Variants in MTR observed in about 807,000 individuals in gnomAD.
The protein encoded by MTR is 5-methyltetrahydrofolate-homocysteine methyltransferase, also known as methionine synthase.
A neutral mutation model predicts 154.8 loss-of-function variants in MTR; 84 were observed. The ratio of observed to expected loss-of-function variants is 0.54; its 90% CI spans 0.45 to 0.65. The LOEUF (loss-of-function observed/expected upper bound fraction) is 0.65, where lower values mean the gene tolerates loss of function less well. Among genes scored for constraint, MTR ranks in the 30% least tolerant of loss-of-function variants. The probability of loss-of-function intolerance (pLI) is 0.00; values close to 1 mark genes in which losing one functional copy is unlikely to be tolerated. For missense variants in MTR, 1,275 were observed against 1,570.2 expected (o/e 0.81, Z 3.18); for synonymous variants, 554 against 553.9 (o/e 1.00, Z 0.00).
chr1:236,806,902 G>A (rs539356114), intron 3 of MTR, among the ~76,000 whole-genome samples: 8 of 152,206 alleles, frequency 5.3e-5, no homozygotes, highest in Non-Finnish European at 2.9e-5. Flanking sequence ...CATCCATGTT[G>A]TAGTATGTAT....
At chr1:236,872,624 T>C (rs1475604189) in intron 22 of MTR, among the ~76,000 whole-genome samples, 4 of 152,220 alleles carry the variant, frequency 2.6e-5, no homozygotes, top group Non-Finnish European at 5.9e-5. Context: ...GCTTAATTTC[T>C]CTGGGCCCCT....
chr1:236,805,778 G>A (rs1224996471), intron 2 of MTR, among the ~76,000 whole-genome samples: 4 of 151,950 alleles, frequency 2.6e-5, no homozygotes, highest in Admixed American at 6.6e-5. Flanking sequence ...GATTACAAGC[G>A]TGAGCCACCA....
Position 236,820,374 on chromosome 1 carries a change from T to C in MTR, c.765-3745T>C, listed in dbSNP as rs1661859608. 30 of 787,322 alleles carry C rather than the reference T, an allele frequency of 3.8e-5. No homozygotes were observed. In the South Asian group the frequency reaches 4.0e-4, roughly 11 times the overall value. The allele number at this position is 787,322 out of a possible 1,614,324, so 48.8% of individuals were successfully genotyped here. A position where few individuals can be genotyped will look rare whatever the true frequency, so the allele number is the denominator to read the frequency against. ...CTGCTACTCGGCCTGAGGTTGCAGA[T>C]TGGTCTGAGGCATGCAGGTGCCCTC... On this transcript the variant is annotated intron_variant, in intron 8 of 32. Transcript: ENST00000366577.
chr1:236,807,181 C>A (rs954039044), intron 3 of MTR, among the ~76,000 whole-genome samples: 1 of 151,998 alleles, frequency 6.6e-6, no homozygotes, highest in Admixed American at 6.6e-5. Context: ...AGTGGCTGTA[C>A]CTTTTTTTTT....
At chr1:236,891,485 C>T (rs760919103) in intron 29 of MTR, among the ~76,000 whole-genome samples, 156 bp downstream of exon 29, 2 of 152,214 alleles carry the variant, frequency 1.3e-5, no homozygotes, top group African/African-American at 2.4e-5. Context: ...AAGCCCAAGC[C>T]ATCTGTGAGG....
At chr1:236,858,810 G>GAA (rs1431359600) in intron 18 of MTR, among the ~76,000 whole-genome samples, 1 of 152,134 alleles carries the variant, frequency 6.6e-6, no homozygotes, top group Non-Finnish European at 1.5e-5. Context: ...TTGAGGTGGA[G>GAA]AAAACAATAA....
At chr1:236,795,838 C>T in intron 1 of MTR, 101 bp downstream of exon 1, 2 of 1,570,804 alleles carry the variant, frequency 1.3e-6, no homozygotes, top group African/African-American at 1.4e-5. Context: ...GGGAGACGCC[C>T]GGCGGTGTTT....
At chr1:236,873,476 A>T (rs1393189664) in intron 22 of MTR, among the ~76,000 whole-genome samples, 1 of 152,216 alleles carries the variant, frequency 6.6e-6, no homozygotes, top group Non-Finnish European at 1.5e-5. Flanking sequence ...CCACAATTAA[A>T]AAAATAACAT....
intron 25 of MTR, among the ~76,000 whole-genome samples, chr1:236,883,524 G>A (rs1665865760): frequency 6.6e-6 from 1 of 152,214 alleles, no homozygotes; most frequent in South Asian, 2.1e-4. Flanking sequence ...CTAGCAAAAT[G>A]CAAGAGGGCT....
intron 14 of MTR, among the ~76,000 whole-genome samples, chr1:236,837,230 A>G (rs893467570): frequency 9.9e-5 from 15 of 152,164 alleles, no homozygotes; most frequent in Admixed American, 7.2e-4. Context: ...CAAACCTCTC[A>G]TTACTAGCAT....
chr1:236,859,746 GT>G, intron 18 of MTR, 86 bp from the exon 19 acceptor site: 4 of 1,059,468 alleles, frequency 3.8e-6, no homozygotes, highest in Non-Finnish European at 5.9e-6. Context: ...TAAGACACAG[GT>G]TTTTTTGTTT....
intron 8 of MTR, among the ~76,000 whole-genome samples, chr1:236,817,590 G>A (rs1325145708): frequency 1.3e-5 from 2 of 152,152 alleles, no homozygotes; most frequent in Non-Finnish European, 2.9e-5. Context: ...ATTTTAACAA[G>A]AAGGGTACTG....
rs1461182356 is a variant in MTR at position 236,797,688 on chromosome 1, G to A, written c.34+1951G>A. Among the ~76,000 whole-genome samples, 3 of 152,318 alleles carry A rather than the reference G, an allele frequency of 2.0e-5. No homozygotes were observed. The South Asian group carries it at 6.2e-4, about 32-fold the overall frequency. On this transcript the variant is annotated intron_variant, in intron 1 of 32. Transcript: ENST00000366577. The stretch of plus-strand genomic sequence containing the variant: ...GATGCCCCCAAAGAAGCTGGGCGCG[G>A]TGGCTCATATCTGTAATCCCAGCAC...
At chr1:236,877,253 C>G (rs563088026) in intron 24 of MTR, among the ~76,000 whole-genome samples, 1 of 152,290 alleles carries the variant, frequency 6.6e-6, no homozygotes, top group South Asian at 2.1e-4. Context: ...TAAGTAAGTG[C>G]TTTTACAGAA....
At chr1:236,880,877 A>G in intron 25 of MTR, 41 bp downstream of exon 25, 2 of 1,548,038 alleles carry the variant, frequency 1.3e-6, no homozygotes, top group Non-Finnish European at 1.8e-6. Flanking sequence ...ATGTGTTGGA[A>G]AGCTTGCATT....
intron 31 of MTR, among the ~76,000 whole-genome samples, chr1:236,896,403 G>C (rs924371931): frequency 5.3e-5 from 8 of 152,216 alleles, no homozygotes; most frequent in African/African-American, 1.9e-4. Context: ...TGAGATCTGG[G>C]TTTGAGTCCT....
chr1:236,795,889 C>T (rs1400896289), intron 1 of MTR, 152 bp downstream of exon 1: 57 of 1,208,874 alleles, frequency 4.7e-5, no homozygotes, highest in Non-Finnish European at 6.2e-5. Context: ...AGCGCAGGAG[C>T]CCGGAGGGCT....
chr1:236,813,694 C>T (rs1661435294), intron 6 of MTR, among the ~76,000 whole-genome samples: 2 of 152,100 alleles, frequency 1.3e-5, no homozygotes, highest in East Asian at 1.9e-4. Context: ...TGTCTTCTGT[C>T]CTTTTTTTCT....
chr1:236,895,284 C>A, intron 30 of MTR, 74 bp from the exon 31 acceptor site: 1 of 1,496,456 alleles, frequency 6.7e-7, no homozygotes, highest in Non-Finnish European at 9.1e-7. Context: ...GGTTCTAATT[C>A]AGGGGGTGGA....
Sources: gnomAD v4.1 joint callset for allele counts (sites outside exome capture counted in the v4.1 genomes callset) on GRCh38, gnomAD v4.1.1 for gene constraint, MANE v1.5 for transcripts, NCBI Gene and HGNC (gene_info 2026-07-23, HGNC 2026-07-21) for gene names.